Variants in SYT2 observed in about 807,000 individuals in gnomAD.
The protein encoded by SYT2 is synaptotagmin-2.
A neutral mutation model predicts 39.9 loss-of-function variants in SYT2; 15 were observed. That is an observed-to-expected ratio of 0.38 (90% CI 0.25 to 0.58). The LOEUF (loss-of-function observed/expected upper bound fraction) is 0.58, where lower values mean the gene tolerates loss of function less well. SYT2 is among the 20% of genes least tolerant of loss of function. The pLI is 0.70. For synonymous variants in SYT2, 181 were observed against 204.5 expected, an observed-to-expected ratio of 0.89 and a Z score of 0.98; for missense variants, 389 against 530.3, an observed-to-expected ratio of 0.73 and a Z score of 2.62.
At chr1:202,641,569 C>G (rs1275361409) in intron 1 of SYT2, among the ~76,000 whole-genome samples, 1 of 152,254 alleles carries the variant, frequency 6.6e-6, no homozygotes, top group Non-Finnish European at 1.5e-5. Flanking sequence ...ATTGTCTCAT[C>G]TCAACCGAAG....
intron 1 of SYT2, among the ~76,000 whole-genome samples, chr1:202,660,746 G>A (rs7550549): frequency 0.26 from 39,825 of 152,072 alleles, 5,988 homozygotes; most frequent in Middle Eastern, 0.36. Context: ...GCCTCCCAAA[G>A]TGGTGGGATT....
intron 1 of SYT2, among the ~76,000 whole-genome samples, chr1:202,657,024 G>A (rs1692290188): frequency 6.6e-6 from 1 of 152,176 alleles, no homozygotes; most frequent in East Asian, 1.9e-4. Context: ...TTGTTCCAGT[G>A]TTTTCCATTG....
At position 202,603,118 on chromosome 1, in the gene SYT2, C is replaced by G. The variant is rs1377106574; in HGVS notation, c.346G>C (p.Asp116His). Residue 116 changes from aspartate (D) to histidine (H), a missense_variant and splice_region_variant, in exon 4 of 9, where the codon GAT becomes CAT. This residue lies in a region of SYT2 where 280 missense variants were observed against 335.6 expected (regional missense o/e 0.83). Coordinates refer to ENST00000367268, the MANE Select transcript of SYT2 (RefSeq NM_177402.5). The stretch of plus-strand genomic sequence containing the variant: ...AGGCCTGTCTCTGCGTCGTCGTCAT[C>G]CTGTGGGAGCTGGGGGAGAGAGGGA... ...MNMKDMKGGQ[D>H]DDDAETGLTE... 1 of 1,614,098 alleles carries G rather than the reference C, an allele frequency of 6.2e-7. No homozygotes were observed. Among genetic ancestry groups the G allele is most frequent in the South Asian group, 1.1e-5 (1 of 91,076 alleles).
At chr1:202,645,896 C>T (rs1692071575) in intron 1 of SYT2, among the ~76,000 whole-genome samples, 2 of 152,192 alleles carry the variant, frequency 1.3e-5, no homozygotes, top group African/African-American at 4.8e-5. Context: ...AGAACCCTTC[C>T]CCTGATAGGG....
chr1:202,601,214 A>G lies in SYT2; in HGVS notation c.801+676T>C, dbSNP rs2149067792. Among the ~76,000 whole-genome samples the G allele has an allele frequency of 6.6e-6, 1 of 152,274 alleles. No individual in the cohort carries two copies. Among genetic ancestry groups the G allele is most frequent in the East Asian group, 1.9e-4 (1 of 5,168 alleles). On this transcript the variant is annotated intron_variant, in intron 6 of 8. Coordinates refer to ENST00000367268, the MANE Select transcript of SYT2 (RefSeq NM_177402.5). The surrounding 1 kb of genome is among the most constrained non-coding windows in gnomAD (Gnocchi z 4.0). ...GTCAAAGCTGCTCAAAGTCAAAGCC[A>G]CCCAGGGCAAGACTGACGACATCAC... is the stretch of plus-strand genomic sequence containing the variant.
chr1:202,650,126 C>T (rs1440638322), intron 1 of SYT2, among the ~76,000 whole-genome samples: 1 of 152,238 alleles, frequency 6.6e-6, no homozygotes, highest in African/African-American at 2.4e-5. Flanking sequence ...GGAATTGGGG[C>T]TGGGCTCAGA....
At chr1:202,642,505 C>T (rs1481847548) in intron 1 of SYT2, among the ~76,000 whole-genome samples, 1 of 152,206 alleles carries the variant, frequency 6.6e-6, no homozygotes, top group Admixed American at 6.5e-5. Context: ...CCCCTCCCAT[C>T]GCCCACCCGG....
rs188858995 is a variant in SYT2, at chr1:202,689,992, C to T, written c.-18+20266G>A. Among the ~76,000 whole-genome samples, 129 of 152,180 alleles carry T rather than the reference C, an allele frequency of 8.5e-4. 1 individual carries two copies. The East Asian group carries it at 0.014, about 17-fold the overall frequency. On this transcript the variant is annotated intron_variant, in intron 1 of 8. Coordinates refer to ENST00000367268, the MANE Select transcript of SYT2 (RefSeq NM_177402.5). ...TCTGATTACACAAACCTGCCACAGT[C>T]CCTGCTGAATATTTCATACAGGAGC...
intron 1 of SYT2, chr1:202,643,592 G>A (rs1217030123): frequency 1.3e-5 from 2 of 152,062 alleles, no homozygotes; most frequent in East Asian, 2.0e-4. Context: ...CACGACGCAG[G>A]GCCCCCGCCC....
At chr1:202,597,025 A>C in intron 8 of SYT2, 62 bp from the exon 9 acceptor site, 1 of 1,445,508 alleles carries the variant, frequency 6.9e-7, no homozygotes, top group Non-Finnish European at 9.6e-7. Context: ...GACCAAATTT[A>C]TCCTCCATCA....
chr1:202,646,768 GGGAA>G (rs1446938845), intron 1 of SYT2, among the ~76,000 whole-genome samples: 2 of 152,148 alleles, frequency 1.3e-5, no homozygotes, highest in Admixed American at 6.5e-5. Flanking sequence ...GAAGGAATAA[GGGAA>G]GGAGCATCTT....
chr1:202,688,367 G>A lies in SYT2; in HGVS notation c.-18+21891C>T, dbSNP rs557347737. On this transcript the variant is annotated intron_variant, in intron 1 of 8. Coordinates refer to ENST00000367268, the MANE Select transcript of SYT2 (RefSeq NM_177402.5). Reference sequence around the variant, plus strand: ...TGGCCCTGTCGTTATGCTCTGTCCTGCCCCCGTGGGCGGCACAGTCGAGGG... The same window carrying A: ...TGGCCCTGTCGTTATGCTCTGTCCTACCCCCGTGGGCGGCACAGTCGAGGG... 7.2e-5 allele frequency among the ~76,000 whole-genome samples: 11 copies of A among 152,332 alleles called. No homozygotes were observed. In the South Asian group the frequency reaches 2.1e-3, roughly 29 times the overall value.
At chr1:202,648,636 T>G (rs1404524918) in intron 1 of SYT2, among the ~76,000 whole-genome samples, 1 of 152,222 alleles carries the variant, frequency 6.6e-6, no homozygotes, top group East Asian at 1.9e-4. Context: ...CCAAGGCGTC[T>G]GCTGGCATCC....
At chr1:202,639,755 T>A (rs1205135720) in intron 1 of SYT2, 1 of 985,310 alleles carries the variant, frequency 1.0e-6, no homozygotes, top group Non-Finnish European at 1.2e-6. Flanking sequence ...CCAGGCCCCA[T>A]GACGAAGACT....
At chr1:202,666,152 CAA>C (rs56942389) in intron 1 of SYT2, among the ~76,000 whole-genome samples, 54,017 of 102,296 alleles carry the variant, frequency 0.53, 11,738 homozygotes, top group East Asian at 0.68. Context: ...GACTCCGTCT[CAA>C]AAAAAAAAAA....
intron 1 of SYT2, among the ~76,000 whole-genome samples, chr1:202,682,461 C>T (rs1210532468): frequency 6.6e-6 from 1 of 152,156 alleles, no homozygotes; most frequent in African/African-American, 2.4e-5. Flanking sequence ...AAGAAGGGCA[C>T]AGGTCAGGGA....
intron 1 of SYT2, among the ~76,000 whole-genome samples, chr1:202,624,563 T>C (rs1281077372): frequency 2.8e-5 from 3 of 105,704 alleles, no homozygotes; most frequent in African/African-American, 1.4e-4. Context: ...GTGTGGTGTT[T>C]AGTAGTGTGT....
At position 202,602,318 on chromosome 1, in the gene SYT2, A is replaced by T. The variant is rs201314463; in HGVS notation, c.633+60T>A. On this transcript the variant is annotated intron_variant, in intron 5 of 8. Transcript: ENST00000367268. ...CTAAGGACCAAGGAAAGGTCTGTAG[A>T]ACTCAGCAGAGAATTGGGATCAGGC... 1.5e-4 allele frequency: 229 copies of T among 1,539,472 alleles called. No individual in the cohort carries two copies. In the Middle Eastern group the frequency reaches 2.4e-3, roughly 16 times the overall value.
At chr1:202,613,488 ATTTTCT>A (rs1475658806) in intron 1 of SYT2, among the ~76,000 whole-genome samples, 6 of 151,882 alleles carry the variant, frequency 4.0e-5, no homozygotes, top group African/African-American at 1.5e-4. Context: ...ATAGTTTTCC[ATTTTCT>A]TTTTCTTCCC....
Sources: allele counts gnomAD v4.1 joint callset (sites outside exome capture counted in the v4.1 genomes callset), GRCh38; gene constraint gnomAD v4.1.1; regional missense constraint gnomAD v4.1.1; non-coding constraint Gnocchi (gnomAD v3.1); transcripts MANE v1.5; gene names NCBI Gene and HGNC (gene_info 2026-07-23, HGNC 2026-07-21).